DNAH2: variants seen among roughly 807,000 people sequenced by gnomAD.
DNAH2 encodes dynein axonemal heavy chain 2.
DNAH2 carries 323 observed loss-of-function variants against 523.5 expected under a neutral mutation model. The observed-to-expected ratio is 0.62, with a 90% confidence interval of 0.56 to 0.68. The LOEUF (loss-of-function observed/expected upper bound fraction) is 0.68. DNAH2 is among the 30% of genes least tolerant of loss of function. The probability of loss-of-function intolerance (pLI) is 0.00; values close to 1 mark genes in which losing one functional copy is unlikely to be tolerated. For synonymous variants in DNAH2, 2,093 were observed against 2,177.4 expected (o/e 0.96, Z 1.08); for missense variants, 4,907 against 5,701.5 (o/e 0.86, Z 4.49).
Position 7,764,025 on chromosome 17 carries a change from C to CA in DNAH2, c.3174dup (p.Glu1059ArgfsTer45). The CA allele has an allele frequency of 6.2e-7, 1 of 1,614,116 alleles. No individual in the cohort carries two copies. The highest frequency in any genetic ancestry group is 1.3e-5 in the African/African-American group (1 of 75,044). ...CTGCACACCTACCTGAAGGAGAACG[C>CA]AGAGAAGTGCGGGCTGGGGCGCCCC... On this transcript the variant is annotated frameshift_variant, in exon 19 of 86. Transcript: ENST00000572933. LOFTEE classifies it high-confidence loss of function.
chr17:7,806,123 A>G (rs927184881), intron 61 of DNAH2, among the ~76,000 whole-genome samples: 21 of 152,210 alleles, frequency 1.4e-4, no homozygotes, highest in African/African-American at 4.1e-4. Context: ...TTTCACTTTC[A>G]GTACAGTGTT....
intron 2 of DNAH2, among the ~76,000 whole-genome samples, chr17:7,720,617 G>T (rs911357704): frequency 1.3e-5 from 2 of 152,162 alleles, no homozygotes; most frequent in Admixed American, 6.5e-5. Context: ...AGGACTATGA[G>T]CTAAGTGTAG....
rs1159706125 is a variant in DNAH2 at position 7,760,922 on chromosome 17, G to A, written c.2968G>A (p.Asp990Asn). The A allele has an allele frequency of 1.2e-6, 2 of 1,613,970 alleles. No homozygotes were observed. The highest frequency in any genetic ancestry group is 1.7e-6 in the Non-Finnish European group (2 of 1,179,930). Residue 990 changes from aspartate to asparagine, a missense_variant, in exon 18 of 86, where the codon GAC (aspartate) becomes AAC (asparagine). By Grantham distance (23) the Asp-to-Asn change is conservative. Coordinates refer to ENST00000572933, the MANE Select transcript of DNAH2 (RefSeq NM_020877.5). The surrounding 1 kb of genome is among the most constrained non-coding windows in gnomAD (Gnocchi z 4.0). ...CCCTCCTGTCTCTTCTTTTGTTGCC[G>A]ACATTGCCCGGTGAGTGGTGAGGGT... ...LNPPVSSFVA[D>N]IARYTEVANN... is the part of the protein sequence containing the mutation.
At position 7,794,258 on chromosome 17, in the gene DNAH2, T is replaced by A; in HGVS notation, c.7574T>A (p.Met2525Lys). 2 of 1,605,932 alleles carry A rather than the reference T, an allele frequency of 1.2e-6. No individual in the cohort carries two copies. The highest frequency in any genetic ancestry group is 1.7e-6 in the Non-Finnish European group (2 of 1,176,486). Residue 2525 changes from methionine (M) to lysine (K), a missense_variant, in exon 49 of 86, where the codon ATG becomes AAG. By Grantham distance (95) the Met-to-Lys change is moderately conservative. Around this residue, in one of 3 missense-constraint regions of DNAH2, gnomAD observed 250 missense variants for 371.3 expected, o/e 0.67. Coordinates refer to ENST00000572933, the MANE Select transcript of DNAH2 (RefSeq NM_020877.5). ...TKQTIKYIRE[M>K]FLMAAMGPPG... ...CTCCTTGTCGCTGCTCTCTAGGAAA[T>A]GTTCCTGATGGCTGCCATGGGCCCC...
chr17:7,790,976 G>A (rs2076880457), intron 44 of DNAH2, among the ~76,000 whole-genome samples: 1 of 152,110 alleles, frequency 6.6e-6, no homozygotes, highest in African/African-American at 2.4e-5. Context: ...CAAAGTGCTG[G>A]GATTACAGTC....
chr17:7,773,676 T>C (rs2076376626), intron 28 of DNAH2, among the ~76,000 whole-genome samples: 1 of 152,234 alleles, frequency 6.6e-6, no homozygotes, highest in Non-Finnish European at 1.5e-5. Context: ...AAAACTATCA[T>C]GAATTTCTTT....
chr17:7,754,896 C>T lies in DNAH2; in HGVS notation c.1905-2195C>T, dbSNP rs1231941047. 2 of 587,710 alleles carry T rather than the reference C, an allele frequency of 3.4e-6. No individual in the cohort carries two copies. 36.4% of individuals were successfully genotyped at this position (587,710 alleles called of 1,614,324 possible). A position where few individuals can be genotyped will look rare whatever the true frequency, so the allele number is the denominator to read the frequency against. ...CGTGAGGACAGAAGGACAGGTGCCA[C>T]CCACCCCGGGCTGCCGTCTGCATGG... is the stretch of plus-strand genomic sequence containing the variant. On this transcript the variant is annotated intron_variant, in intron 12 of 85. Transcript: ENST00000572933. The surrounding 1 kb of genome is among the most constrained non-coding windows in gnomAD (Gnocchi z 4.6).
chr17:7,760,371 CA>C lies in DNAH2; in HGVS notation c.2786-364del, dbSNP rs1426676610. On this transcript the variant is annotated intron_variant, in intron 17 of 85. Transcript: ENST00000572933. This position sits in a 1 kb window ranked among gnomAD's most constrained non-coding sequence, Gnocchi z 4.0. ...GTGAGACTCCATCTAAAAAAAAAAA[CA>C]AAAACAGGGGGGCCAGACTGGGGAA... Among the ~76,000 whole-genome samples, 2 of 147,092 alleles carry C rather than the reference CA, an allele frequency of 1.4e-5. No individual in the cohort carries two copies. The highest frequency in any genetic ancestry group is 3.0e-5 in the Non-Finnish European group (2 of 66,728).
intron 73 of DNAH2, 111 bp from the exon 74 acceptor site, chr17:7,823,329 CCG>C: frequency 9.5e-7 from 1 of 1,051,312 alleles, no homozygotes; most frequent in East Asian, 2.6e-5. Context: ...GGTTTTCCCA[CCG>C]AGAGAGAGAA....
intron 2 of DNAH2, among the ~76,000 whole-genome samples, chr17:7,720,780 G>A (rs1341592067): frequency 6.6e-6 from 1 of 152,128 alleles, no homozygotes; most frequent in African/African-American, 2.4e-5. Context: ...TCTTAGAAAT[G>A]TGCAGAATGT....
intron 20 of DNAH2, among the ~76,000 whole-genome samples, chr17:7,764,907 A>G (rs1475556831): frequency 2.8e-5 from 4 of 141,714 alleles, no homozygotes; most frequent in Admixed American, 1.5e-4. Context: ...CAGTGGTGCA[A>G]TCATGGCTCA....
Position 7,807,488 on chromosome 17 carries a change from C to T in DNAH2, c.9631C>T (p.Arg3211Trp), listed in dbSNP as rs781481722. 11 of 1,613,460 alleles carry T rather than the reference C, an allele frequency of 6.8e-6. No individual in the cohort carries two copies. The highest frequency in any genetic ancestry group is 5.0e-5 in the Admixed American group (3 of 60,000). ...CCCACAGCTGTATGGGCGGCTATAT[C>T]GGGTGGTGGAGCCCAAGCGAATCCG... ...RAMELYGRLY[R>W]VVEPKRIRMN... Residue 3211 changes from arginine to tryptophan, a missense_variant, in exon 63 of 86, where the codon CGG becomes TGG. By Grantham distance (101) the Arg-to-Trp change is moderately radical. Coordinates refer to ENST00000572933, the MANE Select transcript of DNAH2 (RefSeq NM_020877.5). This position sits in a 1 kb window ranked among gnomAD's most constrained non-coding sequence, Gnocchi z 5.6.
At chr17:7,817,731 G>A (rs1412012805) in intron 66 of DNAH2, 22 bp downstream of exon 66, 8 of 1,614,168 alleles carry the variant, frequency 5.0e-6, no homozygotes, top group Admixed American at 3.3e-5. Context: ...GCTGGGCGTG[G>A]GGGCGGTACG....
chr17:7,792,016 C>T lies in DNAH2; in HGVS notation c.7000C>T (p.Arg2334Trp), dbSNP rs779942898. ...SVCASVDEEG[R>W]KRIDSYLREI... is the part of the protein sequence containing the mutation. ...GTGTGCCTCTGTGGATGAGGAGGGCCGGAAGAGGATCGACAGCTACCTCCG... is the reference window on the plus strand; with the variant it reads ...GTGTGCCTCTGTGGATGAGGAGGGCTGGAAGAGGATCGACAGCTACCTCCG... The change falls in exon 45 of 86, where the codon CGG becomes TGG. Residue 2334 changes from arginine to tryptophan, a missense_variant. Physicochemically the swap from Arg to Trp is moderately radical, Grantham distance 101. Transcript: ENST00000572933. The T allele has an allele frequency of 9.3e-6, 15 of 1,613,670 alleles. No homozygotes were observed. The highest frequency in any genetic ancestry group is 1.1e-5 in the South Asian group (1 of 91,022).
At chr17:7,794,455 A>C (rs1597685128) in intron 49 of DNAH2, 97 bp downstream of exon 49, 1 of 1,097,728 alleles carries the variant, frequency 9.1e-7, no homozygotes. Context: ...GGGCTGCGGC[A>C]CCCCAAGTGG....
In DNAH2 at chr17:7,819,427, C is replaced by T. The variant is rs1567754210; in HGVS notation, c.11015+19C>T. On this transcript the variant is annotated intron_variant, in intron 72 of 85. Coordinates refer to ENST00000572933, the MANE Select transcript of DNAH2 (RefSeq NM_020877.5). ...TCTACAGGTCTGAGGGTGCCCCCAA[C>T]ATGCCCCAGCCCGGAGGCCGAGTGG... 5 of 1,613,944 alleles carry T rather than the reference C, an allele frequency of 3.1e-6. No homozygotes were observed. The highest frequency in any genetic ancestry group is 1.7e-5 in the Admixed American group (1 of 60,030).
chr17:7,802,242 G>A (rs1417083512), intron 58 of DNAH2, among the ~76,000 whole-genome samples: 1 of 152,182 alleles, frequency 6.6e-6, no homozygotes, highest in African/African-American at 2.4e-5. Flanking sequence ...CTTATTTTCT[G>A]GCATGAAGTT....
chr17:7,762,431 AT>A (rs2076033072), intron 18 of DNAH2, among the ~76,000 whole-genome samples: 1 of 143,532 alleles, frequency 7.0e-6, no homozygotes, highest in Non-Finnish European at 1.5e-5. Flanking sequence ...CGCCTCCCGG[AT>A]TCATGCCATT....
intron 11 of DNAH2, among the ~76,000 whole-genome samples, chr17:7,741,699 T>C (rs2075358444): frequency 7.2e-6 from 1 of 139,652 alleles, no homozygotes; most frequent in African/African-American, 2.7e-5. Flanking sequence ...AGTTTTGCTC[T>C]TGTTGCCCAG....
Sources: allele counts gnomAD v4.1 joint callset (sites outside exome capture counted in the v4.1 genomes callset), GRCh38; gene constraint gnomAD v4.1.1; regional missense constraint gnomAD v4.1.1; non-coding constraint Gnocchi (gnomAD v3.1); transcripts MANE v1.5; gene names NCBI Gene and HGNC (gene_info 2026-07-23, HGNC 2026-07-21).